RPS6KA6: variants seen among roughly 807,000 people sequenced by gnomAD.
RPS6KA6 encodes ribosomal protein S6 kinase alpha-6.
In RPS6KA6, 27 loss-of-function variants were observed where a neutral mutation model predicts 65.4. That is an observed-to-expected ratio of 0.41 (90% CI 0.30 to 0.57). The LOEUF (loss-of-function observed/expected upper bound fraction) is 0.57, where lower values mean the gene tolerates loss of function less well. Ranked by LOEUF, RPS6KA6 falls within the 20% of genes least tolerant of loss-of-function variation. RPS6KA6 has a pLI of 0.24. For missense variants in RPS6KA6, 486 were observed against 555.6 expected, an observed-to-expected ratio of 0.87 and a Z score of 1.26; for synonymous variants, 190 against 184.2, an observed-to-expected ratio of 1.03 and a Z score of -0.26.
intron 2 of RPS6KA6, among the ~76,000 whole-genome samples, chrX:84,158,724 A>G (rs1171698873): frequency 2.7e-5 from 3 of 111,578 alleles, no homozygotes. Context: ...AAATAAAGAC[A>G]TATGTTCCTA....
chrX:84,167,265 G>A (rs1483166693), intron 1 of RPS6KA6, among the ~76,000 whole-genome samples: 1 of 112,109 alleles, frequency 8.9e-6, no homozygotes, highest in Non-Finnish European at 1.9e-5. Flanking sequence ...CATTTTTACA[G>A]CAGCTTTATT....
chrX:84,176,098 T>A (rs1458959463), intron 1 of RPS6KA6, among the ~76,000 whole-genome samples: 3 of 112,086 alleles, frequency 2.7e-5, no homozygotes, highest in African/African-American at 9.7e-5. Context: ...CATTAGAAGG[T>A]ATTTCCAGAA....
intron 2 of RPS6KA6, among the ~76,000 whole-genome samples, chrX:84,161,863 A>G (rs143247534): frequency 0.011 from 1,198 of 112,100 alleles, 19 homozygotes; most frequent in African/African-American, 0.034. Context: ...AATGTAATCA[A>G]CAAAGAATCT....
intron 20 of RPS6KA6, among the ~76,000 whole-genome samples, chrX:84,083,447 T>C (rs951310335): frequency 1.1e-4 from 12 of 112,316 alleles, no homozygotes; most frequent in African/African-American, 3.2e-4. Flanking sequence ...GGGTTCTCAT[T>C]GTTCAGCTCC....
chrX:84,092,634 G>T (rs2034070707), intron 20 of RPS6KA6, among the ~76,000 whole-genome samples: 3 of 109,183 alleles, frequency 2.7e-5, no homozygotes, highest in Non-Finnish European at 5.7e-5. Flanking sequence ...AAAAAAAAAT[G>T]CAATGAGACA....
In RPS6KA6 at chrX:84,179,998, T is replaced by A. The variant is rs192254591; in HGVS notation, c.81+7821A>T. 3.4e-4 allele frequency among the ~76,000 whole-genome samples: 38 copies of A among 111,839 alleles called. No homozygotes were observed. The East Asian group carries it at 0.011, about 31-fold the overall frequency. On this transcript the variant is annotated intron_variant, in intron 1 of 21. Coordinates refer to ENST00000262752, the MANE Select transcript of RPS6KA6 (RefSeq NM_014496.5). ...TTGAATTTTGACTATTCTCAATTAG[T>A]ACAATTTCTTTAACACATACACCAA... is the stretch of plus-strand genomic sequence containing the variant.
intron 20 of RPS6KA6, among the ~76,000 whole-genome samples, chrX:84,085,654 C>T (rs1370137095): frequency 9.0e-6 from 1 of 111,689 alleles, no homozygotes. Context: ...GTTGTTACAT[C>T]TCTGTCAGGT....
intron 1 of RPS6KA6, among the ~76,000 whole-genome samples, chrX:84,183,694 ATCCACGTGAAATATGC>A (rs2035889932): frequency 1.8e-5 from 2 of 110,867 alleles, no homozygotes; most frequent in Non-Finnish European, 3.8e-5. Context: ...TATTGTGCCC[ATCCACGTGAAATATGC>A]TCCTTTCATC....
Position 84,063,322 on chromosome X carries a change from A to G in RPS6KA6, c.*955T>C, listed in dbSNP as rs972559246. 9.2e-6 allele frequency: 1 copy of G among 108,784 alleles called. No homozygotes were observed. 9.0% of individuals were successfully genotyped at this position (108,784 alleles called of 1,213,427 possible). A position where few individuals can be genotyped will look rare whatever the true frequency, so the allele number is the denominator to read the frequency against. ...AGGATTCAAGGTAGAATGATATGCT[A>G]CACTGTACTTCAAAGCACATCGAAG... On this transcript the variant is annotated 3_prime_UTR_variant, in exon 22 of 22. Coordinates refer to ENST00000262752, the MANE Select transcript of RPS6KA6 (RefSeq NM_014496.5).
chrX:84,148,108 T>C lies in RPS6KA6; in HGVS notation c.274A>G (p.Lys92Glu). 2 of 1,171,717 alleles carry C rather than the reference T, an allele frequency of 1.7e-6. No individual in the cohort carries two copies. Among genetic ancestry groups the C allele is most frequent in the Non-Finnish European group, 2.3e-6 (2 of 870,914 alleles). Reference protein sequence around the residue: ...GSFGKVFLVRKKTGPDAGQLY... With the variant: ...GSFGKVFLVREKTGPDAGQLY... ...TGCCCAGCATCAGGACCGGTCTTCT[T>C]TCTAACAAGAAAAACCTAATAGAAA... Residue 92 changes from lysine (K) to glutamate (E), a missense_variant, in exon 4 of 22, where the codon AAG becomes GAG. Around this residue, in one of 3 missense-constraint regions of RPS6KA6, gnomAD observed 106 missense variants for 105.0 expected, o/e 1.01. Transcript: ENST00000262752.
chrX:84,151,040 T>TATATATAGAGGATAG (rs1323735356), intron 3 of RPS6KA6, among the ~76,000 whole-genome samples: 2 of 92,651 alleles, frequency 2.2e-5, no homozygotes, highest in African/African-American at 7.8e-5. Flanking sequence ...AGAGAGGATA[T>TATATATAGAGGATAG]ATATATAGAG....
At chrX:84,080,880 G>C (rs2033782803) in intron 20 of RPS6KA6, among the ~76,000 whole-genome samples, 2 of 111,494 alleles carry the variant, frequency 1.8e-5, no homozygotes, top group Non-Finnish European at 1.9e-5. Context: ...AATGGCTACT[G>C]GGTAAATAAT....
chrX:84,101,323 GCTA>G (rs747827510), intron 18 of RPS6KA6, among the ~76,000 whole-genome samples: 1 of 110,839 alleles, frequency 9.0e-6, no homozygotes, highest in Non-Finnish European at 1.9e-5. Flanking sequence ...TATGGAAATT[GCTA>G]CTGTCAAAGC....
intron 6 of RPS6KA6, among the ~76,000 whole-genome samples, chrX:84,140,758 C>CAAATATATATATATATATATATATAT (rs2035085268): frequency 1.3e-5 from 1 of 79,340 alleles, no homozygotes; most frequent in Non-Finnish European, 2.5e-5. Flanking sequence ...AAAAAACATA[C>CAAATATATATATATATATATATATAT]ATATATATAT....
intron 20 of RPS6KA6, among the ~76,000 whole-genome samples, chrX:84,092,971 G>A (rs1459656947): frequency 2.7e-5 from 3 of 112,165 alleles, no homozygotes; most frequent in Non-Finnish European, 5.6e-5. Flanking sequence ...AAAATATAGT[G>A]TGTATATACA....
intron 16 of RPS6KA6, 115 bp from the exon 17 acceptor site, chrX:84,104,772 C>A: frequency 2.2e-6 from 1 of 456,652 alleles, no homozygotes; most frequent in Non-Finnish European, 3.4e-6. Flanking sequence ...GTATTAGAAA[C>A]AAAAAAGACA....
intron 1 of RPS6KA6, among the ~76,000 whole-genome samples, chrX:84,167,843 T>C (rs1346247350): frequency 9.0e-6 from 1 of 110,777 alleles, no homozygotes; most frequent in Non-Finnish European, 1.9e-5. Context: ...TTTATCTGGA[T>C]TGTGATGATG....
intron 20 of RPS6KA6, among the ~76,000 whole-genome samples, chrX:84,081,533 G>C (rs1181705743): frequency 8.9e-6 from 1 of 111,748 alleles, no homozygotes; most frequent in Non-Finnish European, 1.9e-5. Context: ...ACTTCTACCA[G>C]AGATGCAAAG....
chrX:84,142,361 A>C (rs1039081689), intron 6 of RPS6KA6, among the ~76,000 whole-genome samples: 23 of 111,196 alleles, frequency 2.1e-4, no homozygotes, highest in Admixed American at 2.0e-3. Context: ...ATGACCCTAA[A>C]GCAGTATTCA....
Sources: gnomAD v4.1 joint callset for allele counts (sites outside exome capture counted in the v4.1 genomes callset) on GRCh38, gnomAD v4.1.1 for gene constraint, gnomAD v4.1.1 regional missense constraint, MANE v1.5 for transcripts, NCBI Gene and HGNC (gene_info 2026-07-23, HGNC 2026-07-21) for gene names.